FOXP2: variants seen among roughly 807,000 people sequenced by gnomAD.
FOXP2 encodes forkhead box P2, also known as forkhead box protein P2.
FOXP2 carries 12 observed loss-of-function variants against 115.8 expected under a neutral mutation model. That is an observed-to-expected ratio of 0.10 (90% confidence interval 0.07 to 0.17). The LOEUF is 0.17. Ranked by LOEUF, FOXP2 falls within the 10% of genes least tolerant of loss-of-function variation. The probability of loss-of-function intolerance (pLI) is 1.00; values close to 1 mark genes in which losing one functional copy is unlikely to be tolerated. For synonymous variants in FOXP2, 328 were observed against 297.7 expected, an observed-to-expected ratio of 1.10 and a Z score of -1.05; for missense variants, 629 against 843.5, an observed-to-expected ratio of 0.75 and a Z score of 3.15.
At chr7:114,639,592 GA>G (rs1166663509) in intron 6 of FOXP2, among the ~76,000 whole-genome samples, 1 of 152,056 alleles carries the variant, frequency 6.6e-6, no homozygotes, top group African/African-American at 2.4e-5. Flanking sequence ...GGCAGGGGTT[GA>G]TAGTATGGTT....
rs747458485 is a variant in FOXP2, at chr7:114,689,902, G to T, written c.2124G>T (p.Glu708Asp). ...AAGACGACAGAGAGATTGAAGAAGA[G>T]CCTTTATCTGAAGATCTGGAATGAG... ...ELEDDREIEE[E>D]PLSEDLE The change falls in exon 17 of 17, where the codon GAG (glutamate) becomes GAT (aspartate). Residue 708 changes from glutamate (E) to aspartate (D), a missense_variant. This residue lies in a region of FOXP2 where 117 missense variants were observed against 112.3 expected (regional missense o/e 1.04). Transcript: ENST00000350908. The T allele has an allele frequency of 6.2e-7, 1 of 1,613,200 alleles. No individual in the cohort carries two copies. Among genetic ancestry groups the T allele is most frequent in the African/African-American group, 1.3e-5 (1 of 74,850 alleles).
At chr7:114,158,268 C>T (rs1243864814), upstream of FOXP2, among the ~76,000 whole-genome samples, 4 of 152,052 alleles carry the variant, frequency 2.6e-5, no homozygotes, top group Non-Finnish European at 5.9e-5. Context: ...GTTGTCAGGT[C>T]GCAGGCTAGC....
chr7:114,319,970 TCTA>T (rs1462729426), intron 2 of FOXP2, among the ~76,000 whole-genome samples: 12 of 152,180 alleles, frequency 7.9e-5, no homozygotes, highest in African/African-American at 2.9e-4. Flanking sequence ...CCCTGGGAAA[TCTA>T]CTCATTGTTT....
intron 16 of FOXP2, among the ~76,000 whole-genome samples, chr7:114,672,846 G>A (rs1403277024): frequency 6.6e-6 from 1 of 152,108 alleles, no homozygotes; most frequent in African/African-American, 2.4e-5. Flanking sequence ...GGAGCCAGCA[G>A]CGGATGGGTA....
chr7:114,553,315 A>G (rs1305892850), intron 3 of FOXP2, among the ~76,000 whole-genome samples: 1 of 152,190 alleles, frequency 6.6e-6, no homozygotes, highest in African/African-American at 2.4e-5. Context: ...AATGTCTTAG[A>G]AATGTAAACT....
chr7:114,187,657 G>A (rs1793648057), intron 1 of FOXP2, among the ~76,000 whole-genome samples: 1 of 152,118 alleles, frequency 6.6e-6, no homozygotes, highest in Admixed American at 6.6e-5. Flanking sequence ...ACTAGTACCT[G>A]GTTCCAAAGT....
At chr7:114,686,287 C>T (rs2129352584) in intron 16 of FOXP2, among the ~76,000 whole-genome samples, 1 of 152,130 alleles carries the variant, frequency 6.6e-6, no homozygotes, top group African/African-American at 2.4e-5. Flanking sequence ...ATTTTCCCAC[C>T]TCGGCCTCCC....
intron 1 of FOXP2, among the ~76,000 whole-genome samples, chr7:114,093,482 T>C (rs2129139445): frequency 6.6e-6 from 1 of 152,308 alleles, no homozygotes; most frequent in African/African-American, 2.4e-5. Flanking sequence ...TGTTTTGCTT[T>C]GGTTTAACTC....
At chr7:114,216,791 C>T (rs986755273) in intron 1 of FOXP2, among the ~76,000 whole-genome samples, 1 of 152,188 alleles carries the variant, frequency 6.6e-6, no homozygotes, top group East Asian at 1.9e-4. Context: ...TCTGTTTCCA[C>T]TTTCCATCTC....
intron 3 of FOXP2, chr7:114,538,258 T>C (rs1305424002): frequency 9.0e-7 from 1 of 1,116,820 alleles, no homozygotes; most frequent in Non-Finnish European, 1.2e-6. Flanking sequence ...TTCTAGCCTA[T>C]GACAAATCTA....
At chr7:114,676,385 G>C (rs79977308) in intron 16 of FOXP2, among the ~76,000 whole-genome samples, 1 of 152,076 alleles carries the variant, frequency 6.6e-6, no homozygotes, top group East Asian at 1.9e-4. Context: ...AGGCCTACAC[G>C]TATTTCAGTA....
At chr7:114,188,639 G>A (rs900468531) in intron 1 of FOXP2, among the ~76,000 whole-genome samples, 2 of 152,092 alleles carry the variant, frequency 1.3e-5, no homozygotes, top group African/African-American at 4.8e-5. Context: ...GCTGAGGCAG[G>A]AGTGCAGTGG....
At chr7:114,375,201 C>G (rs1223217946) in intron 2 of FOXP2, among the ~76,000 whole-genome samples, 2 of 152,088 alleles carry the variant, frequency 1.3e-5, no homozygotes, top group Non-Finnish European at 2.9e-5. Flanking sequence ...AACATCAAAA[C>G]AATCCTTACT....
intron 2 of FOXP2, among the ~76,000 whole-genome samples, chr7:114,301,691 T>A (rs1584619987): frequency 6.6e-6 from 1 of 152,284 alleles, no homozygotes; most frequent in South Asian, 2.1e-4. Context: ...CTCTTTTAAG[T>A]ATAATATTTT....
rs747170159 is a variant in FOXP2 at position 114,642,501 on chromosome 7, A to G, written c.867A>G (p.Leu289=). The G allele has an allele frequency of 6.2e-7, 1 of 1,613,942 alleles. No individual in the cohort carries two copies. Among genetic ancestry groups the G allele is most frequent in the Non-Finnish European group, 8.5e-7 (1 of 1,179,940 alleles). ...MEDNGIKHGG[L]DLTTNNSSST... is the part of the protein sequence containing the mutation. ...ACAATGGCATTAAACATGGAGGGCT[A>G]GACCTCACTACTAACAATTCCTCCT... The change falls in exon 7 of 17, where the codon CTA becomes CTG. Residue 289 remains leucine (L), a synonymous_variant. Transcript: ENST00000350908.
chr7:114,311,001 T>G (rs1401720015), intron 2 of FOXP2, among the ~76,000 whole-genome samples: 1 of 152,186 alleles, frequency 6.6e-6, no homozygotes, highest in Non-Finnish European at 1.5e-5. Context: ...TGGGGTGGGC[T>G]GTCTGCCTGC....
chr7:114,685,784 T>C (rs1398857279), intron 16 of FOXP2, among the ~76,000 whole-genome samples: 2 of 152,206 alleles, frequency 1.3e-5, no homozygotes, highest in African/African-American at 4.8e-5. Context: ...ATATCTGTGA[T>C]ACTCCTCTAA....
intron 2 of FOXP2, chr7:114,463,219 C>T (rs1217355863): frequency 4.4e-6 from 1 of 228,176 alleles, no homozygotes; most frequent in East Asian, 1.6e-4. Flanking sequence ...ATATATCCAC[C>T]TGTTAAATCA....
chr7:114,119,798 T>C (rs1307523767), intron 1 of FOXP2, among the ~76,000 whole-genome samples: 2 of 152,146 alleles, frequency 1.3e-5, no homozygotes, highest in African/African-American at 4.8e-5. Flanking sequence ...GACCCAATCA[T>C]CTTTATCGGA....
Sources: allele counts gnomAD v4.1 joint callset (sites outside exome capture counted in the v4.1 genomes callset), GRCh38; gene constraint gnomAD v4.1.1; regional missense constraint gnomAD v4.1.1; transcripts MANE v1.5; gene names NCBI Gene and HGNC (gene_info 2026-07-23, HGNC 2026-07-21).